TSHZ2: variants seen among roughly 807,000 people sequenced by gnomAD.
TSHZ2 encodes teashirt zinc finger homeobox 2, also known as teashirt homolog 2.
Under a neutral mutation model 74.4 loss-of-function variants are expected in TSHZ2, and 21 were observed. The ratio of observed to expected loss-of-function variants is 0.28; its 90% CI spans 0.20 to 0.41. The LOEUF (loss-of-function observed/expected upper bound fraction) is 0.41, where lower values mean the gene tolerates loss of function less well. Among genes scored for constraint, TSHZ2 ranks in the 10% least tolerant of loss-of-function variants. TSHZ2 has a pLI of 1.00. For synonymous variants in TSHZ2, 540 were observed against 515.3 expected, an observed-to-expected ratio of 1.05 and a Z score of -0.65; for missense variants, 1,244 against 1,293.5, an observed-to-expected ratio of 0.96 and a Z score of 0.59.
At chr20:53,262,212 CTT>C (rs1413014532) in intron 2 of TSHZ2, among the ~76,000 whole-genome samples, 4 of 139,254 alleles carry the variant, frequency 2.9e-5, no homozygotes, top group South Asian at 4.8e-4. Flanking sequence ...TTGCATTTCT[CTT>C]TGTCTTTTTC....
chr20:53,222,334 C>T (rs1042898737), intron 1 of TSHZ2, among the ~76,000 whole-genome samples: 1 of 152,200 alleles, frequency 6.6e-6, no homozygotes, highest in African/African-American at 2.4e-5. Context: ...TGCCTCTCTA[C>T]AGACACTCAG....
intron 1 of TSHZ2, among the ~76,000 whole-genome samples, chr20:53,216,314 C>T (rs1453322183): frequency 2.0e-5 from 3 of 152,138 alleles, no homozygotes; most frequent in Non-Finnish European, 4.4e-5. Context: ...CTAAGCATTT[C>T]AGTTCCTGAT....
intron 2 of TSHZ2, among the ~76,000 whole-genome samples, chr20:53,351,492 G>GTAT (rs2145586666): frequency 6.6e-6 from 1 of 152,234 alleles, no homozygotes; most frequent in East Asian, 1.9e-4. Flanking sequence ...GTGTTTACAA[G>GTAT]TATTAATTGA....
At chr20:53,392,419 G>A (rs902228515) in intron 2 of TSHZ2, among the ~76,000 whole-genome samples, 2 of 152,192 alleles carry the variant, frequency 1.3e-5, no homozygotes, top group African/African-American at 4.8e-5. Flanking sequence ...ACTCCAGCCT[G>A]GGCAACAGAG....
chr20:53,229,649 T>G (rs948644705), intron 1 of TSHZ2, among the ~76,000 whole-genome samples: 2 of 152,090 alleles, frequency 1.3e-5, no homozygotes, highest in Non-Finnish European at 2.9e-5. Flanking sequence ...CTCTTCACCC[T>G]CATTCCCCTC....
chr20:53,434,887 G>A (rs1183823790), intron 2 of TSHZ2, among the ~76,000 whole-genome samples: 1 of 152,220 alleles, frequency 6.6e-6, no homozygotes, highest in East Asian at 1.9e-4. Context: ...GTGCTGACGG[G>A]CCTCAGCTCC....
At chr20:52,987,934 C>G (rs12481255) in intron 1 of TSHZ2, among the ~76,000 whole-genome samples, 15,773 of 152,124 alleles carry the variant, frequency 0.1, 1,152 homozygotes, top group South Asian at 0.36. Context: ...GGCAGAAAAC[C>G]TGGGTTGTAT....
chr20:53,027,789 G>A (rs1345053989), intron 1 of TSHZ2, among the ~76,000 whole-genome samples: 1 of 152,064 alleles, frequency 6.6e-6, no homozygotes, highest in Admixed American at 6.6e-5. Flanking sequence ...AGACCCTGAA[G>A]GGACTTGAAA....
intron 2 of TSHZ2, among the ~76,000 whole-genome samples, chr20:53,473,563 A>G (rs1985897317): frequency 1.4e-5 from 2 of 141,332 alleles, no homozygotes; most frequent in South Asian, 4.7e-4. Flanking sequence ...GGGAAAAAAC[A>G]GAACAGAAAA....
intron 1 of TSHZ2, among the ~76,000 whole-genome samples, chr20:53,063,749 G>A (rs900349435): frequency 1.3e-5 from 2 of 152,180 alleles, no homozygotes; most frequent in Non-Finnish European, 2.9e-5. Flanking sequence ...AATATGCAAG[G>A]AAATTTGAAT....
chr20:53,344,855 ATTTG>A (rs200049336), intron 2 of TSHZ2, among the ~76,000 whole-genome samples: 1,710 of 152,304 alleles, frequency 0.011, 15 homozygotes, highest in Middle Eastern at 0.017. Context: ...CAACTTAGTC[ATTTG>A]TTTATTTAAA....
rs1279155997 is a variant in TSHZ2, at chr20:53,495,200, T to C, written c.*8065T>C. The C allele has an allele frequency of 3.3e-5, 5 of 152,202 alleles. No individual in the cohort carries two copies. The highest frequency in any genetic ancestry group is 7.3e-5 in the Non-Finnish European group (5 of 68,032). 9.4% of individuals were successfully genotyped at this position (152,202 alleles called of 1,614,324 possible). On this transcript the variant is annotated 3_prime_UTR_variant, in exon 3 of 3. Transcript: ENST00000371497. ...AACATGAAAAGAATTATTTATATGA[T>C]AAAAATATATTTAGCTTTTCAAAGC...
intron 1 of TSHZ2, among the ~76,000 whole-genome samples, chr20:53,115,374 AG>A (rs1394511287): frequency 6.6e-6 from 1 of 152,114 alleles, no homozygotes; most frequent in Non-Finnish European, 1.5e-5. Flanking sequence ...TTCTCATGGT[AG>A]TGAATAAGTC....
At chr20:53,102,870 CTT>C (rs548034255) in intron 1 of TSHZ2, among the ~76,000 whole-genome samples, 1 of 141,686 alleles carries the variant, frequency 7.1e-6, no homozygotes, top group African/African-American at 2.6e-5. Context: ...CAGCATCTTT[CTT>C]TTTTTTTTTT....
At chr20:52,995,230 T>A (rs1292698302) in intron 1 of TSHZ2, among the ~76,000 whole-genome samples, 5 of 152,156 alleles carry the variant, frequency 3.3e-5, no homozygotes, top group African/African-American at 9.7e-5. Flanking sequence ...GTAAGCTCCA[T>A]CTTTGATGTT....
Position 53,404,529 on chromosome 20 carries a change from G to T in TSHZ2, c.*9-82615G>T, listed in dbSNP as rs139748920. On this transcript the variant is annotated intron_variant, in intron 2 of 2. Transcript: ENST00000371497. ...AAAAATATTATCAGTTAATGAAAGC[G>T]TTGGGTTTCTCCTACTCTCTGGTTT... is the stretch of plus-strand genomic sequence containing the variant. Among the ~76,000 whole-genome samples the T allele has an allele frequency of 6.9e-3, 1,052 of 152,244 alleles. 15 individuals are homozygous for T. Among genetic ancestry groups the T allele is most frequent in the African/African-American group, 0.024 (1,000 of 41,540 alleles).
chr20:53,472,589 C>T (rs148003476), intron 2 of TSHZ2, among the ~76,000 whole-genome samples: 28 of 152,192 alleles, frequency 1.8e-4, no homozygotes, highest in African/African-American at 6.3e-4. Context: ...AGCACGCAGA[C>T]GATATTTCAA....
chr20:53,276,951 A>G (rs967720738), intron 2 of TSHZ2, among the ~76,000 whole-genome samples: 1 of 152,214 alleles, frequency 6.6e-6, no homozygotes, highest in Non-Finnish European at 1.5e-5. Context: ...AGTCAAACCA[A>G]CATAGGGGTC....
chr20:53,124,270 C>G (rs1986888935), intron 1 of TSHZ2, among the ~76,000 whole-genome samples: 1 of 152,194 alleles, frequency 6.6e-6, no homozygotes, highest in Admixed American at 6.6e-5. Context: ...GGTTTGAACC[C>G]CCCTGCATGT....
Sources: gnomAD v4.1 joint callset for allele counts (sites outside exome capture counted in the v4.1 genomes callset) on GRCh38, gnomAD v4.1.1 for gene constraint, MANE v1.5 for transcripts, NCBI Gene and HGNC (gene_info 2026-07-23, HGNC 2026-07-21) for gene names.